Variants in CAMKMT observed in about 807,000 individuals in gnomAD.
CAMKMT encodes the protein CaM KMT.
In CAMKMT, 53 loss-of-function variants were observed where a neutral mutation model predicts 48.0. The ratio of observed to expected loss-of-function variants is 1.10; its 90% CI spans 0.89 to 1.39. CAMKMT has a LOEUF of 1.39. Among genes scored for constraint, CAMKMT ranks in the 40% most tolerant of loss-of-function variants. CAMKMT has a pLI of 0.00. For missense variants in CAMKMT, 428 were observed against 402.7 expected (o/e 1.06, Z -0.54); for synonymous variants, 165 against 152.3 (o/e 1.08, Z -0.61).
At chr2:44,635,407 A>G (rs1373637018) in intron 3 of CAMKMT, among the ~76,000 whole-genome samples, 1 of 152,228 alleles carries the variant, frequency 6.6e-6, no homozygotes, top group Non-Finnish European at 1.5e-5. Context: ...ACATTTATTA[A>G]TAAACTCTAT....
At chr2:44,631,435 A>G (rs1449534102) in intron 3 of CAMKMT, 1 of 569,112 alleles carries the variant, frequency 1.8e-6, no homozygotes. Flanking sequence ...GAAAGGAAAT[A>G]CAAATCAAAG....
At chr2:44,724,771 C>T (rs570443231) in intron 7 of CAMKMT, among the ~76,000 whole-genome samples, 1 of 152,108 alleles carries the variant, frequency 6.6e-6, no homozygotes, top group Non-Finnish European at 1.5e-5. Context: ...AATTCTGATT[C>T]GTTTCTTGTC....
chr2:44,609,247 A>C (rs1311781355), intron 3 of CAMKMT, among the ~76,000 whole-genome samples: 1 of 152,216 alleles, frequency 6.6e-6, no homozygotes. Flanking sequence ...ACACATAATT[A>C]CAGTTAAATA....
At chr2:44,436,218 G>T (rs768921166) in intron 3 of CAMKMT, among the ~76,000 whole-genome samples, 1 of 152,108 alleles carries the variant, frequency 6.6e-6, no homozygotes, top group African/African-American at 2.4e-5. Flanking sequence ...TGGGACTACG[G>T]ATGTGCGCCA....
At chr2:44,738,202 A>C (rs536535139) in intron 7 of CAMKMT, among the ~76,000 whole-genome samples, 1 of 152,016 alleles carries the variant, frequency 6.6e-6, no homozygotes, top group African/African-American at 2.4e-5. Context: ...CATTTCCTCC[A>C]TCTATGCTAT....
chr2:44,501,646 C>G (rs903973971), intron 3 of CAMKMT, among the ~76,000 whole-genome samples: 2 of 152,020 alleles, frequency 1.3e-5, no homozygotes, highest in African/African-American at 4.8e-5. Flanking sequence ...AGGGCTCGGA[C>G]AAATTGAAAC....
At chr2:44,695,727 G>A (rs1360927016) in intron 3 of CAMKMT, among the ~76,000 whole-genome samples, 2 of 152,052 alleles carry the variant, frequency 1.3e-5, no homozygotes, top group South Asian at 4.1e-4. Context: ...AAGCTGGAAG[G>A]CAAATGCATT....
At chr2:44,738,963 A>G (rs1679515765) in intron 7 of CAMKMT, among the ~76,000 whole-genome samples, 1 of 152,182 alleles carries the variant, frequency 6.6e-6, no homozygotes, top group African/African-American at 2.4e-5. Flanking sequence ...TTAAGACCCT[A>G]GAACAGAACC....
chr2:44,653,787 T>C lies in CAMKMT; in HGVS notation c.377-50496T>C, dbSNP rs1038744136. On this transcript the variant is annotated intron_variant, in intron 3 of 10. Coordinates refer to ENST00000378494, the MANE Select transcript of CAMKMT (RefSeq NM_024766.5). This position sits in a 1 kb window ranked among gnomAD's most constrained non-coding sequence, Gnocchi z 5.2. ...TTTTTATTCATTTTAATGACTGATC[T>C]AAAACAAGAATTGAAAAGATCTCAT... 6.6e-6 allele frequency among the ~76,000 whole-genome samples: 1 copy of C among 152,174 alleles called. No homozygotes were observed. The highest frequency in any genetic ancestry group is 1.5e-5 in the Non-Finnish European group (1 of 68,022).
chr2:44,507,336 C>G (rs535407278), intron 3 of CAMKMT, among the ~76,000 whole-genome samples: 94 of 152,282 alleles, frequency 6.2e-4, no homozygotes, highest in African/African-American at 2.1e-3. Context: ...GACCTTCACT[C>G]AGAACCAGGA....
intron 3 of CAMKMT, among the ~76,000 whole-genome samples, chr2:44,613,174 T>C (rs985363820): frequency 6.6e-6 from 1 of 152,246 alleles, no homozygotes; most frequent in Non-Finnish European, 1.5e-5. Flanking sequence ...TTAACTCTTA[T>C]GTTTGTTTTT....
At chr2:44,586,111 TG>T (rs951719504) in intron 3 of CAMKMT, among the ~76,000 whole-genome samples, 1 of 152,198 alleles carries the variant, frequency 6.6e-6, no homozygotes, top group Non-Finnish European at 1.5e-5. Context: ...AGGTACGATT[TG>T]CCTATTCTGT....
At chr2:44,464,811 C>T (rs549757574) in intron 3 of CAMKMT, among the ~76,000 whole-genome samples, 1 of 152,194 alleles carries the variant, frequency 6.6e-6, no homozygotes, top group African/African-American at 2.4e-5. Context: ...ATCACTAGAC[C>T]TTCTTTACAA....
chr2:44,677,933 T>C (rs997663235), intron 3 of CAMKMT, among the ~76,000 whole-genome samples: 2 of 152,094 alleles, frequency 1.3e-5, no homozygotes, highest in East Asian at 1.9e-4. Context: ...ACCCAGTTAA[T>C]GGTGTCACTA....
chr2:44,757,917 G>A (rs1454491237), intron 9 of CAMKMT, among the ~76,000 whole-genome samples: 1 of 152,128 alleles, frequency 6.6e-6, no homozygotes, highest in Non-Finnish European at 1.5e-5. Context: ...AATGCTGGTG[G>A]GAGGGGAAGA....
chr2:44,531,462 C>A (rs1016668829), intron 3 of CAMKMT, among the ~76,000 whole-genome samples: 9 of 152,122 alleles, frequency 5.9e-5, no homozygotes, highest in Non-Finnish European at 2.9e-5. Context: ...ACAACCACAA[C>A]TGACACTGCT....
At chr2:44,726,165 G>A (rs1002283368) in intron 7 of CAMKMT, among the ~76,000 whole-genome samples, 1 of 152,176 alleles carries the variant, frequency 6.6e-6, no homozygotes. Flanking sequence ...TTGCTGGGTC[G>A]AATGGTTGCT....
At chr2:44,744,915 T>C (rs1248484842) in intron 8 of CAMKMT, among the ~76,000 whole-genome samples, 2 of 152,136 alleles carry the variant, frequency 1.3e-5, no homozygotes, top group Non-Finnish European at 2.9e-5. Context: ...GTTCCAAAAA[T>C]AGGAGAAACC....
chr2:44,540,078 A>C (rs1297293719), intron 3 of CAMKMT, among the ~76,000 whole-genome samples: 1 of 151,966 alleles, frequency 6.6e-6, no homozygotes, highest in Admixed American at 6.6e-5. Context: ...ATTGTTGCCA[A>C]ATTGTCCCTT....
Sources: allele counts gnomAD v4.1 joint callset (sites outside exome capture counted in the v4.1 genomes callset), GRCh38; gene constraint gnomAD v4.1.1; non-coding constraint Gnocchi (gnomAD v3.1); transcripts MANE v1.5; gene names NCBI Gene and HGNC (gene_info 2026-07-23, HGNC 2026-07-21).